The following WASF3 variants were observed in gnomAD, a reference collection of about 807,000 sequenced individuals.
WASF3 encodes WASP family member 3, also known as actin-binding protein WASF3.
A neutral mutation model predicts 46.6 loss-of-function variants in WASF3; 11 were observed. That is an observed-to-expected ratio of 0.24 (90% CI 0.15 to 0.39). The LOEUF (loss-of-function observed/expected upper bound fraction) is 0.39. Among genes scored for constraint, WASF3 ranks in the 10% least tolerant of loss-of-function variants. WASF3 has a pLI of 1.00. For missense variants in WASF3, 576 were observed against 669.8 expected, an observed-to-expected ratio of 0.86 and a Z score of 1.55; for synonymous variants, 242 against 259.7, an observed-to-expected ratio of 0.93 and a Z score of 0.65.
chr13:26,627,848 G>T (rs942091147), intron 2 of WASF3, among the ~76,000 whole-genome samples: 1 of 149,236 alleles, frequency 6.7e-6, no homozygotes, highest in African/African-American at 2.5e-5. Context: ...TAACTAACCT[G>T]CACAATGTGC....
chr13:26,667,397 A>G (rs1882803645), intron 4 of WASF3, 120 bp from the exon 5 acceptor site: 2 of 864,198 alleles, frequency 2.3e-6, no homozygotes, highest in South Asian at 2.4e-5. Flanking sequence ...TAAATGGACA[A>G]TAAAAAATAT....
intron 2 of WASF3, chr13:26,638,111 C>T (rs1881885868): frequency 6.6e-6 from 1 of 152,150 alleles, no homozygotes; most frequent in Non-Finnish European, 1.5e-5. Flanking sequence ...TCAGCAGAGC[C>T]GATGAGGGGT....
intron 1 of WASF3, among the ~76,000 whole-genome samples, chr13:26,568,069 G>A (rs1411616730): frequency 1.3e-5 from 2 of 152,106 alleles, no homozygotes; most frequent in African/African-American, 4.8e-5. Context: ...GGTTGGGTAG[G>A]GGGATGCGTA....
At chr13:26,651,183 A>G (rs1287966617) in intron 3 of WASF3, among the ~76,000 whole-genome samples, 3 of 152,128 alleles carry the variant, frequency 2.0e-5, no homozygotes, top group African/African-American at 7.2e-5. Context: ...TTAGGCTGGT[A>G]CAGTGGTGCA....
At chr13:26,591,951 C>G (rs983765817) in intron 1 of WASF3, among the ~76,000 whole-genome samples, 1 of 151,484 alleles carries the variant, frequency 6.6e-6, no homozygotes, top group Admixed American at 6.6e-5. Flanking sequence ...GTGCACTCAG[C>G]TGTTATTTCA....
chr13:26,682,581 GA>G lies in WASF3; in HGVS notation c.984-25del. ...CGTGACCCTCTCTTGTTCCCTTGGT[GA>G]CTATGTGCCTCATATCTCTCTCAGG... On this transcript the variant is annotated intron_variant, in intron 8 of 9. Coordinates refer to ENST00000335327, the MANE Select transcript of WASF3 (RefSeq NM_006646.6). The surrounding 1 kb of genome is among the most constrained non-coding windows in gnomAD (Gnocchi z 4.4). 6.2e-7 allele frequency: 1 copy of G among 1,613,640 alleles called. No individual in the cohort carries two copies.
intron 3 of WASF3, among the ~76,000 whole-genome samples, chr13:26,644,604 A>G (rs996970534): frequency 1.3e-5 from 2 of 152,162 alleles, no homozygotes; most frequent in East Asian, 1.9e-4. Flanking sequence ...TTAGACACCC[A>G]TGTGTCTGGA....
intron 3 of WASF3, among the ~76,000 whole-genome samples, chr13:26,642,799 T>TGTAATA (rs1882037437): frequency 6.6e-6 from 1 of 152,248 alleles, no homozygotes; most frequent in Admixed American, 6.5e-5. Context: ...AGTTAACACC[T>TGTAATA]GTAATATGCC....
At chr13:26,640,408 CT>C (rs56253601) in intron 2 of WASF3, 25,041 of 140,282 alleles carry the variant, frequency 0.18, 2,428 homozygotes, top group South Asian at 0.28. Flanking sequence ...CTTTTTTTTT[CT>C]TTTTTTTTTT....
intron 2 of WASF3, among the ~76,000 whole-genome samples, chr13:26,636,187 G>C (rs1306647075): frequency 6.6e-6 from 1 of 152,256 alleles, no homozygotes; most frequent in African/African-American, 2.4e-5. Context: ...CTTCCCGGCT[G>C]CTTTGTTTAC....
the WASF3 span, among the ~76,000 whole-genome samples, chr13:26,543,826 A>G: frequency 6.6e-6 from 1 of 152,292 alleles, no homozygotes; most frequent in African/African-American, 2.4e-5. Flanking sequence ...TTGGCAATCG[A>G]GTGGAAAACT....
intron 3 of WASF3, among the ~76,000 whole-genome samples, chr13:26,644,093 G>A (rs1410925620): frequency 6.6e-6 from 1 of 152,226 alleles, no homozygotes; most frequent in Non-Finnish European, 1.5e-5. Context: ...GTGCCAGGGT[G>A]ACGTGATGTG....
Position 26,688,457 on chromosome 13 carries a change from G to A in WASF3, c.*2612G>A, listed in dbSNP as rs1487656754. ...TCTCATAGCGTAGACCTAGGGAAGGGATGGGAAGATTGCCCAGTCCCCGAT... is the reference window on the plus strand; with the variant it reads ...TCTCATAGCGTAGACCTAGGGAAGGAATGGGAAGATTGCCCAGTCCCCGAT... On this transcript the variant is annotated 3_prime_UTR_variant, in exon 10 of 10. Coordinates refer to ENST00000335327, the MANE Select transcript of WASF3 (RefSeq NM_006646.6). 9 of 152,214 alleles carry A rather than the reference G, an allele frequency of 5.9e-5. No individual in the cohort carries two copies. Among genetic ancestry groups the A allele is most frequent in the Non-Finnish European group, 1.3e-4 (9 of 68,038 alleles). 9.4% of individuals were successfully genotyped at this position (152,214 alleles called of 1,614,324 possible).
chr13:26,613,897 G>A (rs1342049331), intron 2 of WASF3, among the ~76,000 whole-genome samples: 1 of 152,152 alleles, frequency 6.6e-6, no homozygotes, highest in Non-Finnish European at 1.5e-5. Context: ...TCAGTGACCT[G>A]TCTTACTCTA....
At chr13:26,646,289 G>T (rs1346538667) in intron 3 of WASF3, among the ~76,000 whole-genome samples, 1 of 152,142 alleles carries the variant, frequency 6.6e-6, no homozygotes, top group African/African-American at 2.4e-5. Flanking sequence ...AGAATGTAAA[G>T]GAATGTTTTT....
intron 7 of WASF3, 61 bp from the exon 8 acceptor site, chr13:26,680,993 T>C (rs1303245701): frequency 6.4e-7 from 1 of 1,552,648 alleles, no homozygotes; most frequent in Non-Finnish European, 8.7e-7. Context: ...TCCATGTGCC[T>C]GTTAGCCGAC....
intron 1 of WASF3, among the ~76,000 whole-genome samples, chr13:26,599,256 C>T (rs1174815695): frequency 6.8e-6 from 1 of 146,948 alleles, no homozygotes; most frequent in African/African-American, 2.5e-5. Context: ...GATCTCGACT[C>T]ACAGCAACCT....
chr13:26,665,292 T>G, intron 4 of WASF3, 130 bp downstream of exon 4: 1 of 1,152,964 alleles, frequency 8.7e-7, no homozygotes, highest in African/African-American at 1.5e-5. Context: ...CCTAGAAGAA[T>G]AGCGAGGGGG....
At chr13:26,543,690 G>A in the WASF3 span, among the ~76,000 whole-genome samples, 4 of 152,094 alleles carry the variant, frequency 2.6e-5, no homozygotes, top group Admixed American at 1.3e-4. Flanking sequence ...ATGGCCACGT[G>A]TCTGTAGCCA....
Sources: gnomAD v4.1 joint callset for allele counts (sites outside exome capture counted in the v4.1 genomes callset) on GRCh38, gnomAD v4.1.1 for gene constraint, Gnocchi (gnomAD v3.1) non-coding constraint, MANE v1.5 for transcripts, NCBI Gene and HGNC (gene_info 2026-07-23, HGNC 2026-07-21) for gene names.